Variants in LTBP1 observed in about 807,000 individuals in gnomAD.
The protein encoded by LTBP1 is latent transforming growth factor beta binding protein 1, also known as latent-transforming growth factor beta-binding protein 1.
In LTBP1, 129 loss-of-function variants were observed where a neutral mutation model predicts 207.6. The ratio of observed to expected loss-of-function variants is 0.62; its 90% CI spans 0.54 to 0.72. The LOEUF is 0.72. Among genes scored for constraint, LTBP1 ranks in the 30% least tolerant of loss-of-function variants. The probability of loss-of-function intolerance (pLI) is 0.00; values close to 1 mark genes in which losing one functional copy is unlikely to be tolerated. For synonymous variants in LTBP1, 963 were observed against 833.7 expected (o/e 1.16, Z -2.67); for missense variants, 2,281 against 2,217.2 (o/e 1.03, Z -0.58).
intron 6 of LTBP1, among the ~76,000 whole-genome samples, chr2:33,188,123 A>G (rs555091358): frequency 6.6e-6 from 1 of 152,290 alleles, no homozygotes; most frequent in African/African-American, 2.4e-5. Context: ...CTGTGCCCTT[A>G]AGAATTGTGA....
In LTBP1 at chr2:33,347,349, C is replaced by G; in HGVS notation, c.3857-18C>G. ...GAATGAGGCACACATCTCACTTGGT[C>G]TGTGCTCCCTTTTCCAGATGTGAAT... On this transcript the variant is annotated intron_variant, in intron 25 of 33. Coordinates refer to ENST00000404816, the MANE Select transcript of LTBP1 (RefSeq NM_206943.4). 4.3e-6 allele frequency: 7 copies of G among 1,614,044 alleles called. No individual in the cohort carries two copies. The highest frequency in any genetic ancestry group is 5.9e-6 in the Non-Finnish European group (7 of 1,179,948).
chr2:33,372,932 T>C (rs150292009), intron 31 of LTBP1, among the ~76,000 whole-genome samples: 14 of 152,352 alleles, frequency 9.2e-5, no homozygotes, highest in Admixed American at 2.6e-4. Context: ...AGGGTGCCAT[T>C]ATCTCATGGA....
intron 15 of LTBP1, among the ~76,000 whole-genome samples, chr2:33,265,299 C>G (rs2093144419): frequency 3.3e-5 from 5 of 152,174 alleles, no homozygotes; most frequent in Admixed American, 3.3e-4. Flanking sequence ...GTATAAAAAA[C>G]TTCAGAACTA....
chr2:32,998,512 T>TAAAAAAAA (rs769287082), intron 2 of LTBP1, among the ~76,000 whole-genome samples: 1 of 29,236 alleles, frequency 3.4e-5, no homozygotes, highest in African/African-American at 8.6e-5. Context: ...GACTCCATCT[T>TAAAAAAAA]AAAAAAAAAA....
chr2:33,284,584 C>G (rs1349079438), intron 19 of LTBP1, among the ~76,000 whole-genome samples: 1 of 152,294 alleles, frequency 6.6e-6, no homozygotes, highest in South Asian at 2.1e-4. Context: ...ATGGCTATTT[C>G]AACCAAGTCC....
chr2:33,179,556 T>A (rs919780094), intron 5 of LTBP1, among the ~76,000 whole-genome samples: 1 of 152,124 alleles, frequency 6.6e-6, no homozygotes, highest in Non-Finnish European at 1.5e-5. Flanking sequence ...GTCTTTTGCA[T>A]GTACTATGGA....
chr2:33,011,667 A>G (rs557562491), intron 2 of LTBP1, among the ~76,000 whole-genome samples: 72 of 152,172 alleles, frequency 4.7e-4, no homozygotes, highest in Middle Eastern at 6.8e-3. Flanking sequence ...ACTCTGTGGT[A>G]CTTTGTTATG....
intron 5 of LTBP1, among the ~76,000 whole-genome samples, chr2:33,161,409 G>A (rs541350295): frequency 4.6e-5 from 7 of 152,094 alleles, no homozygotes; most frequent in Admixed American, 1.3e-4. Flanking sequence ...TGGGATTACA[G>A]GTGCCCGCCA....
At chr2:33,069,238 C>G (rs1247549693) in intron 3 of LTBP1, among the ~76,000 whole-genome samples, 1 of 152,172 alleles carries the variant, frequency 6.6e-6, no homozygotes, top group Non-Finnish European at 1.5e-5. Context: ...AGAGCCTGGA[C>G]TGGGGAGAAA....
At position 32,947,469 on chromosome 2, in the gene LTBP1, C is replaced by G. The variant is rs1676353968; in HGVS notation, c.145C>G (p.Pro49Ala). The change falls in exon 1 of 34, where the codon CCG (proline) becomes GCG (alanine). Residue 49 changes from proline to alanine, a missense_variant. Transcript: ENST00000404816. ...CGGCGCCTTGCCCCTGAGCGGGCCC[C>G]CGCGTTCGCGGACATTCAACGTCGC... ...AAGALPLSGP[P>A]RSRTFNVALN... The G allele has an allele frequency of 1.4e-6, 2 of 1,444,820 alleles. No individual in the cohort carries two copies. Among genetic ancestry groups the G allele is most frequent in the Middle Eastern group, 2.5e-4 (1 of 4,078 alleles). The allele number at this position is 1,444,820 out of a possible 1,614,324, so 89.5% of individuals were successfully genotyped here.
intron 32 of LTBP1, among the ~76,000 whole-genome samples, chr2:33,393,525 A>C (rs575437049): frequency 4.2e-5 from 6 of 144,294 alleles, no homozygotes; most frequent in Admixed American, 2.2e-4. Flanking sequence ...CCCACCTATG[A>C]GTGAGAACAT....
At chr2:32,973,356 A>G (rs1277049370) in intron 2 of LTBP1, among the ~76,000 whole-genome samples, 7 of 151,754 alleles carry the variant, frequency 4.6e-5, no homozygotes, top group Non-Finnish European at 1.0e-4. Context: ...GTATAATTAA[A>G]TTTTCTTGTT....
intron 2 of LTBP1, among the ~76,000 whole-genome samples, chr2:32,967,143 C>T (rs1012608699): frequency 1.3e-5 from 2 of 151,950 alleles, no homozygotes; most frequent in Non-Finnish European, 2.9e-5. Flanking sequence ...ATTCCTTTAA[C>T]GTTCATAGGA....
intron 13 of LTBP1, among the ~76,000 whole-genome samples, chr2:33,261,876 C>T (rs1035446875): frequency 6.6e-6 from 1 of 152,190 alleles, no homozygotes; most frequent in African/African-American, 2.4e-5. Context: ...AAGAGGTTAA[C>T]AGAGGCCAGA....
At chr2:33,174,977 C>T (rs1167557310) in intron 5 of LTBP1, among the ~76,000 whole-genome samples, 3 of 151,902 alleles carry the variant, frequency 2.0e-5, no homozygotes, top group Admixed American at 1.3e-4. Context: ...AAACTGGATC[C>T]CTTCCTTACA....
chr2:33,230,947 C>T (rs2091750934), intron 9 of LTBP1, among the ~76,000 whole-genome samples: 2 of 151,092 alleles, frequency 1.3e-5, no homozygotes, highest in South Asian at 2.1e-4. Context: ...AATTAAAAGA[C>T]ATCTACACTT....
At chr2:33,277,759 C>CTTT (rs1491103448) in intron 18 of LTBP1, among the ~76,000 whole-genome samples, 3 of 72,450 alleles carry the variant, frequency 4.1e-5, no homozygotes, top group Non-Finnish European at 9.7e-5. Context: ...ATTTTTTTTT[C>CTTT]CCTTTCTTTC....
intron 8 of LTBP1, among the ~76,000 whole-genome samples, chr2:33,218,197 A>G (rs1254917743): frequency 3.9e-5 from 6 of 152,302 alleles, no homozygotes; most frequent in African/African-American, 1.4e-4. Context: ...ATTTTTTCTG[A>G]CACTGGTTTT....
At chr2:33,392,416 A>G (rs1160963550) in intron 32 of LTBP1, among the ~76,000 whole-genome samples, 2 of 152,140 alleles carry the variant, frequency 1.3e-5, no homozygotes, top group African/African-American at 4.8e-5. Context: ...TGAACTCCTA[A>G]CCTTGTGATC....
Sources: gnomAD v4.1 joint callset for allele counts (sites outside exome capture counted in the v4.1 genomes callset) on GRCh38, gnomAD v4.1.1 for gene constraint, MANE v1.5 for transcripts, NCBI Gene and HGNC (gene_info 2026-07-23, HGNC 2026-07-21) for gene names.